The following TXNDC16 variants were observed in gnomAD, a reference collection of about 807,000 sequenced individuals.
TXNDC16 encodes thioredoxin domain-containing protein 16.
A neutral mutation model predicts 85.6 loss-of-function variants in TXNDC16; 74 were observed. That is an observed-to-expected ratio of 0.86 (90% CI 0.72 to 1.05). TXNDC16 has a LOEUF of 1.05. Ranked by LOEUF, TXNDC16 falls within the 50% of genes least tolerant of loss-of-function variation. The pLI is 0.00. For synonymous variants in TXNDC16, 335 were observed against 326.5 expected (o/e 1.03, Z -0.28); for missense variants, 959 against 947.0 (o/e 1.01, Z -0.17).
intron 18 of TXNDC16, among the ~76,000 whole-genome samples, chr14:52,442,305 C>A (rs576307130): frequency 2.0e-5 from 3 of 152,290 alleles, no homozygotes; most frequent in Non-Finnish European, 4.4e-5. Context: ...TAGATAACCC[C>A]CAGCTGACAT....
At chr14:52,479,029 G>A (rs570386875) in intron 14 of TXNDC16, among the ~76,000 whole-genome samples, 18 of 152,074 alleles carry the variant, frequency 1.2e-4, no homozygotes, top group Admixed American at 4.6e-4. Flanking sequence ...CAATAAATGC[G>A]ATACACCACA....
intron 16 of TXNDC16, among the ~76,000 whole-genome samples, chr14:52,457,647 T>A (rs547929719): frequency 3.9e-5 from 6 of 152,200 alleles, no homozygotes; most frequent in African/African-American, 1.4e-4. Context: ...AGTGTCTGTG[T>A]TAGGGTTGTG....
At chr14:52,528,352 A>G (rs897216059) in intron 6 of TXNDC16, among the ~76,000 whole-genome samples, 1 of 152,168 alleles carries the variant, frequency 6.6e-6, no homozygotes. Context: ...GTTCATAGAC[A>G]AGTATTTTGA....
intron 16 of TXNDC16, among the ~76,000 whole-genome samples, chr14:52,469,699 C>G (rs1464877046): frequency 1.3e-5 from 2 of 151,798 alleles, no homozygotes; most frequent in African/African-American, 4.8e-5. Flanking sequence ...GCCGACATCA[C>G]GCCACTGCAC....
intron 15 of TXNDC16, 109 bp downstream of exon 15, chr14:52,470,403 T>C (rs1292170833): frequency 1.6e-6 from 2 of 1,256,912 alleles, no homozygotes; most frequent in Non-Finnish European, 2.2e-6. Context: ...TTTTGTGATC[T>C]CAATTCTAGT....
rs746484184 is a variant in TXNDC16 at position 52,439,310 on chromosome 14, C to T, written c.2088G>A (p.Leu696=). 2 of 1,614,052 alleles carry T rather than the reference C, an allele frequency of 1.2e-6. No individual in the cohort carries two copies. The highest frequency in any genetic ancestry group is 1.7e-5 in the Admixed American group (1 of 59,998). ...ATGCAAATACTTGGCCACCTGAATG[C>T]AGATTCACCAAAACAAGAAGAGGAA... ...PPLPLLVLVN[L]HSGGQVFAFP... is the part of the protein sequence containing the mutation. The change falls in exon 20 of 21, where the codon CTG becomes CTA. Residue 696 remains leucine, a synonymous_variant. Coordinates refer to ENST00000281741, the MANE Select transcript of TXNDC16 (RefSeq NM_020784.3).
In TXNDC16 at chr14:52,539,681, G is replaced by T. The variant is rs553214737; in HGVS notation, c.244-2009C>A. 9.1e-4 allele frequency among the ~76,000 whole-genome samples: 138 copies of T among 152,226 alleles called. 1 individual carries two copies. The Middle Eastern group carries it at 0.014, about 15-fold the overall frequency. On this transcript the variant is annotated intron_variant, in intron 4 of 20. Transcript: ENST00000281741. Reference sequence around the variant, plus strand: ...GGAAGAAGTAAAAATGAAGGTATAGGAAGTGGTCAGATTTGAAAAGTTCTC... The same window carrying T: ...GGAAGAAGTAAAAATGAAGGTATAGTAAGTGGTCAGATTTGAAAAGTTCTC...
chr14:52,530,285 AATT>A (rs1304842647), intron 6 of TXNDC16, among the ~76,000 whole-genome samples: 12 of 43,428 alleles, frequency 2.8e-4, no homozygotes, highest in South Asian at 9.3e-4. Context: ...TTTAATATAT[AATT>A]ATTATATATA....
intron 4 of TXNDC16, among the ~76,000 whole-genome samples, chr14:52,538,406 G>GA (rs143771731): frequency 0.013 from 2,031 of 152,054 alleles, 45 homozygotes; most frequent in African/African-American, 0.046. Flanking sequence ...AACTCTAAGT[G>GA]AAAAAAATAT....
At chr14:52,504,865 G>A (rs1373631303) in intron 9 of TXNDC16, among the ~76,000 whole-genome samples, 2 of 152,106 alleles carry the variant, frequency 1.3e-5, no homozygotes, top group Non-Finnish European at 2.9e-5. Flanking sequence ...AAAATAAAGG[G>A]ATGGAGGAAG....
chr14:52,533,157 T>C (rs1205167839), intron 6 of TXNDC16, among the ~76,000 whole-genome samples: 3 of 152,124 alleles, frequency 2.0e-5, no homozygotes, highest in Non-Finnish European at 4.4e-5. Flanking sequence ...CAAACTCCTA[T>C]AGATGCCTGA....
At chr14:52,552,074 C>T (rs1031631275) in intron 1 of TXNDC16, among the ~76,000 whole-genome samples, 1 of 152,214 alleles carries the variant, frequency 6.6e-6, no homozygotes, top group African/African-American at 2.4e-5. Flanking sequence ...CTCCCCGTCG[C>T]CCCTTTCCAT....
chr14:52,474,826 T>C (rs765652793), intron 14 of TXNDC16, among the ~76,000 whole-genome samples: 22 of 151,690 alleles, frequency 1.5e-4, no homozygotes, highest in Non-Finnish European at 2.7e-4. Context: ...GGTTGGGAAA[T>C]AAAAGGAACG....
intron 12 of TXNDC16, among the ~76,000 whole-genome samples, chr14:52,486,045 A>G (rs2036261580): frequency 6.6e-6 from 1 of 152,136 alleles, no homozygotes; most frequent in Admixed American, 6.5e-5. Context: ...CCATGACACT[A>G]AAAATTACAT....
chr14:52,472,344 C>T (rs140020179), intron 14 of TXNDC16, among the ~76,000 whole-genome samples: 366 of 152,050 alleles, frequency 2.4e-3, no homozygotes, highest in Middle Eastern at 0.014. Context: ...ACGACAGGCA[C>T]GTGACACCAT....
intron 15 of TXNDC16, 26 bp downstream of exon 15, chr14:52,470,486 A>T (rs2035880530): frequency 6.3e-7 from 1 of 1,597,558 alleles, no homozygotes; most frequent in South Asian, 1.1e-5. Flanking sequence ...ACATTCAGAG[A>T]TCTTATAATG....
intron 6 of TXNDC16, among the ~76,000 whole-genome samples, chr14:52,521,763 G>A (rs1394147555): frequency 1.3e-5 from 2 of 152,060 alleles, no homozygotes; most frequent in Non-Finnish European, 2.9e-5. Flanking sequence ...TACTTACTGA[G>A]CAGTATTCAC....
chr14:52,499,680 G>A lies in TXNDC16; in HGVS notation c.757-8675C>T, dbSNP rs186038190. ...AAGATATGAAGAAATGAACCCTTGTGCACTGTTGGTGAGACTGTAAAATGG... is the reference window on the plus strand; with the variant it reads ...AAGATATGAAGAAATGAACCCTTGTACACTGTTGGTGAGACTGTAAAATGG... On this transcript the variant is annotated intron_variant, in intron 9 of 20. Transcript: ENST00000281741. 2.4e-4 allele frequency among the ~76,000 whole-genome samples: 37 copies of A among 151,804 alleles called. 1 individual carries two copies. The highest frequency in any genetic ancestry group is 2.1e-3 in the Admixed American group (32 of 15,244).
intron 16 of TXNDC16, among the ~76,000 whole-genome samples, chr14:52,467,441 A>G (rs916503813): frequency 1.3e-5 from 2 of 152,362 alleles, no homozygotes; most frequent in Middle Eastern, 3.4e-3. Context: ...CAAAGGAGTT[A>G]CAGACATTTC....
Sources: gnomAD v4.1 joint callset for allele counts (sites outside exome capture counted in the v4.1 genomes callset) on GRCh38, gnomAD v4.1.1 for gene constraint, MANE v1.5 for transcripts, NCBI Gene and HGNC (gene_info 2026-07-23, HGNC 2026-07-21) for gene names.